Variants in KCNH7 observed in about 807,000 individuals in gnomAD.
The protein encoded by KCNH7 is potassium voltage-gated channel subfamily H member 7, also known as voltage-gated inwardly rectifying potassium channel KCNH7.
A neutral mutation model predicts 120.8 loss-of-function variants in KCNH7; 49 were observed. The observed-to-expected ratio is 0.41, with a 90% confidence interval of 0.32 to 0.51. KCNH7 has a LOEUF of 0.51. Ranked by LOEUF, KCNH7 falls within the 20% of genes least tolerant of loss-of-function variation. The pLI is 0.38. For synonymous variants in KCNH7, 547 were observed against 516.1 expected (o/e 1.06, Z -0.81); for missense variants, 1,097 against 1,446.6 (o/e 0.76, Z 3.92).
Position 162,436,343 on chromosome 2 carries a change from T to C in KCNH7, c.1555-746A>G, listed in dbSNP as rs1688238295. On this transcript the variant is annotated intron_variant, in intron 7 of 15. Coordinates refer to ENST00000332142, the MANE Select transcript of KCNH7 (RefSeq NM_033272.4). ...TTAGGCACTACATTTAAATGCATTTTTTATTCCTAAGTGTGCTAAATTGAG... is the reference window on the plus strand; with the variant it reads ...TTAGGCACTACATTTAAATGCATTTCTTATTCCTAAGTGTGCTAAATTGAG... Among the ~76,000 whole-genome samples the C allele has an allele frequency of 5.9e-5, 9 of 152,170 alleles. 1 individual carries two copies. The highest frequency in any genetic ancestry group is 5.9e-4 in the Admixed American group (9 of 15,260).
chr2:162,662,217 C>T lies in KCNH7; in HGVS notation c.308-125137G>A, dbSNP rs374711787. The stretch of plus-strand genomic sequence containing the variant: ...GGTGGAGGTTGCAGTGAGCCACAAT[C>T]GCGTCACTGTACTCCAGCCTGGGTG... On this transcript the variant is annotated intron_variant, in intron 2 of 15. Transcript: ENST00000332142. Among the ~76,000 whole-genome samples the T allele has an allele frequency of 5.3e-5, 8 of 152,030 alleles. No homozygotes were observed. In the East Asian group the frequency reaches 7.8e-4, roughly 15 times the overall value.
chr2:162,788,406 CAA>C (rs1683791676), intron 2 of KCNH7, among the ~76,000 whole-genome samples: 1 of 151,934 alleles, frequency 6.6e-6, no homozygotes, highest in Non-Finnish European at 1.5e-5. Context: ...AAAAGTTCAA[CAA>C]AGAGACAGGA....
At chr2:162,743,991 T>C (rs1422740542) in intron 2 of KCNH7, among the ~76,000 whole-genome samples, 1 of 152,212 alleles carries the variant, frequency 6.6e-6, no homozygotes. Context: ...CAAGATATTT[T>C]ACAGACACCA....
rs75128200 is a variant in KCNH7, at chr2:162,504,461, C to T, written c.1110G>A (p.Val370=). ...GTCCTACCTGGGTCACTTTCTCAGT[C>T]ACATTGTGTGTTCGATCTTTAACCT... ...APKVKDRTHN[V]TEKVTQVLSL... is the part of the protein sequence containing the mutation. The change falls in exon 6 of 16, where the codon GTG becomes GTA. Residue 370 remains valine (V), a synonymous_variant. Coordinates refer to ENST00000332142, the MANE Select transcript of KCNH7 (RefSeq NM_033272.4). 12,267 of 1,612,336 alleles carry T rather than the reference C, an allele frequency of 7.6e-3. 61 individuals are homozygous for T. Among genetic ancestry groups the T allele is most frequent in the Non-Finnish European group, 9.1e-3 (10,745 of 1,178,780 alleles).
At chr2:162,682,701 T>C (rs894034832) in intron 2 of KCNH7, among the ~76,000 whole-genome samples, 9 of 151,852 alleles carry the variant, frequency 5.9e-5, no homozygotes, top group African/African-American at 2.2e-4. Flanking sequence ...ATTTAAATTT[T>C]AAATACACAG....
chr2:162,805,997 C>T (rs934531506), intron 2 of KCNH7, among the ~76,000 whole-genome samples: 1 of 152,034 alleles, frequency 6.6e-6, no homozygotes, highest in Non-Finnish European at 1.5e-5. Flanking sequence ...AAACCAAATA[C>T]CGTATGTTCT....
At chr2:162,662,363 A>G (rs954396516) in intron 2 of KCNH7, among the ~76,000 whole-genome samples, 2 of 152,242 alleles carry the variant, frequency 1.3e-5, no homozygotes, top group Non-Finnish European at 2.9e-5. Context: ...CATTTAACAC[A>G]CTACTTACAC....
intron 2 of KCNH7, among the ~76,000 whole-genome samples, chr2:162,700,000 G>A (rs543286224): frequency 1.3e-5 from 2 of 152,130 alleles, no homozygotes; most frequent in East Asian, 1.9e-4. Context: ...AAACAGCTAC[G>A]ATACCTTCTG....
At chr2:162,459,043 T>TAATAAC (rs1389809128) in intron 6 of KCNH7, among the ~76,000 whole-genome samples, 1 of 147,580 alleles carries the variant, frequency 6.8e-6, no homozygotes, top group Admixed American at 6.8e-5. Flanking sequence ...ATAATAATAA[T>TAATAAC]AATATAAAGG....
rs143899995 is a variant in KCNH7, at chr2:162,409,758, A to T, written c.2155-9317T>A. Among the ~76,000 whole-genome samples, 1,040 of 152,122 alleles carry T rather than the reference A, an allele frequency of 6.8e-3. 8 individuals are homozygous for T. Among genetic ancestry groups the T allele is most frequent in the African/African-American group, 0.024 (1,001 of 41,560 alleles). On this transcript the variant is annotated intron_variant, in intron 9 of 15. Coordinates refer to ENST00000332142, the MANE Select transcript of KCNH7 (RefSeq NM_033272.4). ...TTTCAGGATACAAAATCAATGTACA[A>T]AAATCAGTAGCATTTCTATACACCG... is the stretch of plus-strand genomic sequence containing the variant.
At chr2:162,560,658 A>G (rs901685870) in intron 2 of KCNH7, among the ~76,000 whole-genome samples, 1 of 152,174 alleles carries the variant, frequency 6.6e-6, no homozygotes, top group Non-Finnish European at 1.5e-5. Context: ...TGAATTAGAT[A>G]ATTTTTAGAA....
chr2:162,709,170 A>G (rs1304782162), intron 2 of KCNH7, among the ~76,000 whole-genome samples: 1 of 152,136 alleles, frequency 6.6e-6, no homozygotes, highest in Non-Finnish European at 1.5e-5. Context: ...GTTTATCGTG[A>G]TAATTAAATA....
intron 2 of KCNH7, among the ~76,000 whole-genome samples, chr2:162,587,181 C>T (rs1694048099): frequency 6.6e-6 from 1 of 151,724 alleles, no homozygotes; most frequent in African/African-American, 2.4e-5. Flanking sequence ...TTATGAATGA[C>T]CTGCCAGTCC....
intron 2 of KCNH7, among the ~76,000 whole-genome samples, chr2:162,656,477 A>C (rs1382413970): frequency 1.3e-5 from 2 of 152,218 alleles, no homozygotes; most frequent in African/African-American, 4.8e-5. Context: ...TAAGAAAATA[A>C]ATCATAAATC....
intron 12 of KCNH7, among the ~76,000 whole-genome samples, chr2:162,393,185 C>A (rs57905325): frequency 0.084 from 12,836 of 151,906 alleles, 1,760 homozygotes; most frequent in African/African-American, 0.29. Flanking sequence ...ATAGAGTCAC[C>A]ATCTGCAGAG....
At chr2:162,646,205 T>A (rs762202450) in intron 2 of KCNH7, among the ~76,000 whole-genome samples, 7 of 152,216 alleles carry the variant, frequency 4.6e-5, no homozygotes, top group Non-Finnish European at 7.3e-5. Context: ...GAACTGAGAA[T>A]GCCCACGTAG....
At chr2:162,811,765 G>A (rs1684741350) in intron 2 of KCNH7, among the ~76,000 whole-genome samples, 1 of 152,094 alleles carries the variant, frequency 6.6e-6, no homozygotes, top group South Asian at 2.1e-4. Context: ...GCTAAAGTTG[G>A]CAAAGAAGAC....
intron 2 of KCNH7, among the ~76,000 whole-genome samples, chr2:162,625,421 G>A (rs568634246): frequency 6.6e-6 from 1 of 152,274 alleles, no homozygotes; most frequent in South Asian, 2.1e-4. Context: ...TTCAACACAT[G>A]TTTCCTGTTA....
chr2:162,374,570 A>T (rs976576284), intron 14 of KCNH7, among the ~76,000 whole-genome samples: 1 of 152,198 alleles, frequency 6.6e-6, no homozygotes, highest in African/African-American at 2.4e-5. Flanking sequence ...TGAATAAAAA[A>T]TGGAAATAAA....
Sources: gnomAD v4.1 joint callset for allele counts (sites outside exome capture counted in the v4.1 genomes callset) on GRCh38, gnomAD v4.1.1 for gene constraint, MANE v1.5 for transcripts, NCBI Gene and HGNC (gene_info 2026-07-23, HGNC 2026-07-21) for gene names.